Variants in NUP210L observed in about 807,000 individuals in gnomAD.
The protein encoded by NUP210L is nuclear pore membrane glycoprotein 210-like.
NUP210L carries 74 observed loss-of-function variants against 208.5 expected under a neutral mutation model. That is an observed-to-expected ratio of 0.35 (90% CI 0.29 to 0.43). NUP210L has a LOEUF of 0.43. Ranked by LOEUF, NUP210L falls within the 20% of genes least tolerant of loss-of-function variation. The pLI, the probability that NUP210L is intolerant of heterozygous loss-of-function variation, is 1.00. For missense variants in NUP210L, 1,843 were observed against 2,289.4 expected (o/e 0.81, Z 3.98); for synonymous variants, 780 against 816.9 (o/e 0.95, Z 0.77).
intron 17 of NUP210L, among the ~76,000 whole-genome samples, chr1:154,064,969 G>A (rs994617092): frequency 6.6e-6 from 1 of 151,872 alleles, no homozygotes; most frequent in Non-Finnish European, 1.5e-5. Flanking sequence ...CCAGCTACTC[G>A]GGAGGCTGAG....
intron 36 of NUP210L, 122 bp from the exon 37 acceptor site, chr1:154,001,182 C>A: frequency 1.2e-6 from 1 of 803,852 alleles, no homozygotes; most frequent in Non-Finnish European, 1.9e-6. Context: ...GCTAGCTAGC[C>A]GACAATCAAA....
intron 12 of NUP210L, among the ~76,000 whole-genome samples, chr1:154,116,908 T>C (rs1482602147): frequency 6.6e-6 from 1 of 152,140 alleles, no homozygotes. Flanking sequence ...GTTAATTAAA[T>C]ATTAAATATA....
chr1:154,030,173 G>T, intron 27 of NUP210L, 119 bp from the exon 28 acceptor site: 1 of 624,412 alleles, frequency 1.6e-6, no homozygotes, highest in Non-Finnish European at 2.5e-6. Context: ...GTCAGGAAAG[G>T]GTGGGAGGGG....
chr1:154,113,315 T>G (rs1657140058), intron 12 of NUP210L, among the ~76,000 whole-genome samples: 1 of 151,088 alleles, frequency 6.6e-6, no homozygotes, highest in Non-Finnish European at 1.5e-5. Context: ...CCAGGTCTCT[T>G]TTATATACGC....
chr1:154,154,879 G>C, exon 1 of NUP210L: 1 of 1,614,200 alleles, frequency 6.2e-7, no homozygotes, highest in Non-Finnish European at 8.5e-7. Context: ...AGCAGGAAAG[G>C]CACCCGGCCT....
intron 13 of NUP210L, among the ~76,000 whole-genome samples, chr1:154,102,684 T>C (rs1226706198): frequency 6.6e-6 from 1 of 152,172 alleles, no homozygotes; most frequent in Admixed American, 6.6e-5. Flanking sequence ...CTACTGTCAT[T>C]ATATTGATGA....
intron 12 of NUP210L, among the ~76,000 whole-genome samples, chr1:154,105,310 C>A (rs1395452405): frequency 6.6e-6 from 1 of 151,938 alleles, no homozygotes; most frequent in East Asian, 1.9e-4. Context: ...GCCAACATGG[C>A]GAAACCCTGT....
intron 3 of NUP210L, among the ~76,000 whole-genome samples, chr1:154,142,758 G>A (rs371272326): frequency 7.9e-5 from 12 of 151,972 alleles, no homozygotes; most frequent in Non-Finnish European, 1.3e-4. Flanking sequence ...GTGTGGTGGC[G>A]CGTGCCTGTA....
At chr1:154,105,040 AG>A (rs2148071172) in intron 12 of NUP210L, among the ~76,000 whole-genome samples, 1 of 152,304 alleles carries the variant, frequency 6.6e-6, no homozygotes, top group South Asian at 2.1e-4. Flanking sequence ...ATAATAGCTC[AG>A]CCACAATAGA....
chr1:154,020,429 C>T (rs1010689550), intron 32 of NUP210L, among the ~76,000 whole-genome samples: 1 of 152,194 alleles, frequency 6.6e-6, no homozygotes, highest in Admixed American at 6.6e-5. Context: ...TAGCTTACTG[C>T]AGCCTTGATC....
At chr1:154,153,042 A>T (rs1024998907) in intron 1 of NUP210L, among the ~76,000 whole-genome samples, 170 bp from the exon 2 acceptor site, 1 of 152,204 alleles carries the variant, frequency 6.6e-6, no homozygotes, top group Non-Finnish European at 1.5e-5. Flanking sequence ...TGAGAGATTG[A>T]TGAGAACTTT....
At chr1:154,017,971 CT>C (rs989122062) in intron 33 of NUP210L, among the ~76,000 whole-genome samples, 2 of 150,042 alleles carry the variant, frequency 1.3e-5, no homozygotes, top group Non-Finnish European at 1.5e-5. Context: ...TCTTTTTTCT[CT>C]TTTTTTTTCT....
intron 27 of NUP210L, among the ~76,000 whole-genome samples, chr1:154,039,236 T>G (rs1355529262): frequency 7.3e-6 from 1 of 136,880 alleles, no homozygotes; most frequent in East Asian, 2.1e-4. Context: ...TCTGGGAAAC[T>G]TTTTTTTTTT....
chr1:154,027,697 T>G (rs1275740525), intron 28 of NUP210L, 100 bp from the exon 29 acceptor site: 1 of 704,420 alleles, frequency 1.4e-6, no homozygotes, highest in Non-Finnish European at 2.4e-6. Flanking sequence ...TACATGCAAA[T>G]AAATGACAAC....
At chr1:154,000,819 C>A (rs1331471691) in intron 37 of NUP210L, 37 bp downstream of exon 37, 1 of 1,566,064 alleles carries the variant, frequency 6.4e-7, no homozygotes, top group Admixed American at 1.7e-5. Flanking sequence ...TTCTTCTTTT[C>A]CTCTCTAGAT....
rs34499821 is a variant in NUP210L at position 154,062,567 on chromosome 1, C to CTTTTTTTT, written c.2555-901_2555-894dup. Among the ~76,000 whole-genome samples, 425 of 75,006 alleles carry CTTTTTTTT rather than the reference C, an allele frequency of 5.7e-3. 1 individual carries two copies. Among genetic ancestry groups the CTTTTTTTT allele is most frequent in the Middle Eastern group, 0.014 (1 of 72 alleles). 49.2% of individuals were successfully genotyped at this position (75,006 alleles called of 152,430 possible). Reference sequence around the variant, plus strand: ...CACCTTTCTCTCTCTTTTCTTTTTCCTTTTTTTTTTTTTTTTTTTTTTTGT... The same window carrying CTTTTTTTT: ...CACCTTTCTCTCTCTTTTCTTTTTCCTTTTTTTTTTTTTTTTTTTTTTTTTTTTTTTGT... On this transcript the variant is annotated intron_variant, in intron 17 of 39. Transcript: ENST00000368559.
chr1:154,125,350 T>C (rs1657835771), intron 10 of NUP210L, among the ~76,000 whole-genome samples: 1 of 151,494 alleles, frequency 6.6e-6, no homozygotes, highest in African/African-American at 2.4e-5. Context: ...CACAGGAGGC[T>C]GAGGTAGGAG....
At chr1:154,117,418 T>TA (rs1364321446) in intron 12 of NUP210L, among the ~76,000 whole-genome samples, 52 of 152,196 alleles carry the variant, frequency 3.4e-4, no homozygotes, top group Admixed American at 5.2e-4. Context: ...CCACCTCTAC[T>TA]AAAAATACAA....
chr1:154,076,565 A>G (rs1326480889), intron 16 of NUP210L, among the ~76,000 whole-genome samples: 3 of 152,232 alleles, frequency 2.0e-5, no homozygotes, highest in Admixed American at 6.5e-5. Context: ...GAAAAGTACA[A>G]TAATTGAAAT....
Sources: allele counts gnomAD v4.1 joint callset (sites outside exome capture counted in the v4.1 genomes callset), GRCh38; gene constraint gnomAD v4.1.1; transcripts MANE v1.5; gene names NCBI Gene and HGNC (gene_info 2026-07-23, HGNC 2026-07-21).